The following NTNG1 variants were observed in gnomAD, a reference collection of about 807,000 sequenced individuals.
NTNG1 encodes netrin-G1.
A neutral mutation model predicts 54.0 loss-of-function variants in NTNG1; 16 were observed. The observed-to-expected ratio is 0.30, with a 90% CI of 0.20 to 0.45. NTNG1 has a LOEUF of 0.45. Among genes scored for constraint, NTNG1 ranks in the 20% least tolerant of loss-of-function variants. The probability of loss-of-function intolerance (pLI) is 1.00; values close to 1 mark genes in which losing one functional copy is unlikely to be tolerated. For missense variants in NTNG1, 530 were observed against 678.7 expected, an observed-to-expected ratio of 0.78 and a Z score of 2.43; for synonymous variants, 255 against 263.1, an observed-to-expected ratio of 0.97 and a Z score of 0.30.
intron 2 of NTNG1, among the ~76,000 whole-genome samples, chr1:107,315,407 G>A (rs767435329): frequency 6.6e-6 from 1 of 152,022 alleles, no homozygotes; most frequent in Non-Finnish European, 1.5e-5. Context: ...TCAAATTGTG[G>A]CAGGCCTCCC....
At chr1:107,369,207 T>G (rs573692476) in intron 3 of NTNG1, among the ~76,000 whole-genome samples, 2 of 152,232 alleles carry the variant, frequency 1.3e-5, no homozygotes, top group South Asian at 4.1e-4. Flanking sequence ...AATGCTGTTA[T>G]GAACATTCAT....
intron 2 of NTNG1, among the ~76,000 whole-genome samples, chr1:107,208,716 TCCC>T (rs1659382586): frequency 6.6e-6 from 1 of 152,126 alleles, no homozygotes; most frequent in East Asian, 1.9e-4. Context: ...TAGGCATGTA[TCCC>T]CTACTCTCCC....
intron 5 of NTNG1, among the ~76,000 whole-genome samples, chr1:107,414,940 A>G (rs749147816): frequency 1.3e-5 from 2 of 152,152 alleles, no homozygotes; most frequent in African/African-American, 4.8e-5. Flanking sequence ...TCCTAAATAG[A>G]TTATTTTCTA....
At position 107,481,806 on chromosome 1, in the gene NTNG1, G is replaced by C. The variant is rs1204117624; in HGVS notation, c.*966G>C. On this transcript the variant is annotated 3_prime_UTR_variant, in exon 8 of 8. Coordinates refer to ENST00000370068, the MANE Select transcript of NTNG1 (RefSeq NM_001113226.3). ...CAAAGGACATTCTAAATGTTTTCTT[G>C]TTGCTTTAACACTGGAAGATTTAAA... 2 of 152,492 alleles carry C rather than the reference G, an allele frequency of 1.3e-5. No individual in the cohort carries two copies. Among genetic ancestry groups the C allele is most frequent in the South Asian group, 4.1e-4 (2 of 4,824 alleles). The allele number at this position is 152,492 out of a possible 1,614,324, so 9.4% of individuals were successfully genotyped here. A position where few individuals can be genotyped will look rare whatever the true frequency, so the allele number is the denominator to read the frequency against.
intron 2 of NTNG1, among the ~76,000 whole-genome samples, chr1:107,229,287 C>A (rs1038800359): frequency 3.3e-5 from 5 of 149,902 alleles, no homozygotes; most frequent in African/African-American, 1.2e-4. Context: ...TTCTCAGCCT[C>A]ATCTGTATAC....
At chr1:107,331,612 C>T (rs1429652729) in intron 3 of NTNG1, among the ~76,000 whole-genome samples, 2 of 152,076 alleles carry the variant, frequency 1.3e-5, no homozygotes, top group African/African-American at 4.8e-5. Context: ...ATTATGTACA[C>T]CTGCTTTCAA....
intron 3 of NTNG1, among the ~76,000 whole-genome samples, chr1:107,336,482 A>T (rs1449581405): frequency 2.0e-5 from 3 of 152,026 alleles, no homozygotes; most frequent in African/African-American, 7.2e-5. Context: ...TTCAAAATGC[A>T]TTAAAGACCT....
chr1:107,454,486 G>A (rs920772652), intron 7 of NTNG1, among the ~76,000 whole-genome samples: 2 of 151,932 alleles, frequency 1.3e-5, no homozygotes, highest in Admixed American at 1.3e-4. Context: ...GGAAACAACG[G>A]GCTTTCATTC....
intron 3 of NTNG1, among the ~76,000 whole-genome samples, chr1:107,338,682 A>T (rs1399170593): frequency 6.6e-6 from 1 of 151,898 alleles, no homozygotes; most frequent in African/African-American, 2.4e-5. Flanking sequence ...GTAGCCAAGC[A>T]TGTCTTATCA....
intron 7 of NTNG1, among the ~76,000 whole-genome samples, chr1:107,471,133 G>A (rs937915576): frequency 3.9e-5 from 6 of 152,122 alleles, no homozygotes; most frequent in African/African-American, 1.2e-4. Context: ...TTTAATATTA[G>A]ATGAGTAAGA....
chr1:107,326,195 T>C (rs1225926302), intron 3 of NTNG1, among the ~76,000 whole-genome samples: 1 of 151,892 alleles, frequency 6.6e-6, no homozygotes, highest in East Asian at 1.9e-4. Context: ...GGCCATCTAC[T>C]CTCAGCTTTT....
intron 5 of NTNG1, among the ~76,000 whole-genome samples, chr1:107,430,378 G>A (rs908356420): frequency 1.3e-5 from 2 of 151,948 alleles, no homozygotes; most frequent in African/African-American, 2.4e-5. Flanking sequence ...ATGAAAACAA[G>A]GGAAATGGTG....
chr1:107,421,643 G>A (rs1370502844), intron 5 of NTNG1, among the ~76,000 whole-genome samples: 1 of 152,002 alleles, frequency 6.6e-6, no homozygotes, highest in African/African-American at 2.4e-5. Context: ...TGGATTAAGT[G>A]TTGCTTAGGA....
chr1:107,436,813 G>C lies in NTNG1; in HGVS notation c.1390+14G>C. ...ACGGCTGTCAACGTAAGTAACTCTG[G>C]GAGCTGCCCTCTGCCTGCTGCAGCA... is the stretch of plus-strand genomic sequence containing the variant. On this transcript the variant is annotated intron_variant, in intron 7 of 7. Transcript: ENST00000370068. 6.2e-7 allele frequency: 1 copy of C among 1,612,490 alleles called. No homozygotes were observed. The highest frequency in any genetic ancestry group is 8.5e-7 in the Non-Finnish European group (1 of 1,179,030).
intron 2 of NTNG1, among the ~76,000 whole-genome samples, chr1:107,210,078 T>A (rs911014810): frequency 1.3e-5 from 2 of 152,034 alleles, no homozygotes; most frequent in African/African-American, 2.4e-5. Context: ...GAGCAAAGGC[T>A]GCAATGAGAT....
At chr1:107,406,933 CTGG>C (rs1010412503) in intron 4 of NTNG1, among the ~76,000 whole-genome samples, 7 of 152,118 alleles carry the variant, frequency 4.6e-5, no homozygotes, top group Non-Finnish European at 1.0e-4. Flanking sequence ...CACTATATTG[CTGG>C]GTTAGATACA....
chr1:107,238,873 C>T (rs1001111672), intron 2 of NTNG1, among the ~76,000 whole-genome samples: 3 of 151,048 alleles, frequency 2.0e-5, no homozygotes, highest in African/African-American at 7.3e-5. Context: ...ATAATGCTTT[C>T]CATATTCCTG....
intron 2 of NTNG1, among the ~76,000 whole-genome samples, chr1:107,218,177 G>T (rs893802345): frequency 1.3e-5 from 2 of 151,908 alleles, no homozygotes; most frequent in African/African-American, 4.8e-5. Flanking sequence ...TTTTCCTGTT[G>T]GACTAGTTCT....
At chr1:107,302,918 A>G (rs926393010) in intron 2 of NTNG1, among the ~76,000 whole-genome samples, 2 of 152,194 alleles carry the variant, frequency 1.3e-5, no homozygotes, top group Non-Finnish European at 2.9e-5. Flanking sequence ...AAATTATGGC[A>G]CTTAAAATGT....
Sources: gnomAD v4.1 joint callset for allele counts (sites outside exome capture counted in the v4.1 genomes callset) on GRCh38, gnomAD v4.1.1 for gene constraint, MANE v1.5 for transcripts, NCBI Gene and HGNC (gene_info 2026-07-23, HGNC 2026-07-21) for gene names.